Variants in IFRD1 observed in about 807,000 individuals in gnomAD.
The protein encoded by IFRD1 is interferon-related developmental regulator 1.
IFRD1 carries 35 observed loss-of-function variants against 52.9 expected under a neutral mutation model. The ratio of observed to expected loss-of-function variants is 0.66; its 90% CI spans 0.51 to 0.88. The LOEUF (loss-of-function observed/expected upper bound fraction) is 0.88, where lower values mean the gene tolerates loss of function less well. IFRD1 is among the 40% of genes least tolerant of loss of function. The pLI is 0.00. For synonymous variants in IFRD1, 184 were observed against 188.4 expected, an observed-to-expected ratio of 0.98 and a Z score of 0.19; for missense variants, 517 against 550.8, an observed-to-expected ratio of 0.94 and a Z score of 0.61.
chr7:112,474,967 TA>T (rs71150020), intron 11 of IFRD1, among the ~76,000 whole-genome samples: 1 of 152,008 alleles, frequency 6.6e-6, no homozygotes. Flanking sequence ...TTTATTTATT[TA>T]TTTTTTTTGA....
At chr7:112,444,991 A>G (rs560838693) in intron 1 of IFRD1, among the ~76,000 whole-genome samples, 1 of 152,148 alleles carries the variant, frequency 6.6e-6, no homozygotes, top group East Asian at 1.9e-4. Context: ...ACTCCTAGGA[A>G]CAAGCACTCA....
chr7:112,463,000 A>G (rs2529588), intron 8 of IFRD1, among the ~76,000 whole-genome samples: 33,922 of 152,090 alleles, frequency 0.22, 3,867 homozygotes, highest in Middle Eastern at 0.42. Flanking sequence ...CTTATGTTCC[A>G]GGAAATCCTT....
At chr7:112,426,425 C>T (rs768168680) in intron 1 of IFRD1, among the ~76,000 whole-genome samples, 1 of 152,188 alleles carries the variant, frequency 6.6e-6, no homozygotes, top group Non-Finnish European at 1.5e-5. Flanking sequence ...GCTGCTATAA[C>T]AGAATAGCAC....
chr7:112,472,990 C>A, intron 11 of IFRD1, 129 bp downstream of exon 11: 1 of 705,560 alleles, frequency 1.4e-6, no homozygotes, highest in Non-Finnish European at 2.6e-6. Context: ...CATAGAATAG[C>A]TGTACTAAAG....
chr7:112,453,713 C>A (rs1453793822), intron 1 of IFRD1, among the ~76,000 whole-genome samples: 1 of 152,052 alleles, frequency 6.6e-6, no homozygotes, highest in African/African-American at 2.4e-5. Flanking sequence ...CTGTCCTAAG[C>A]ACTCCAAGAA....
In IFRD1 at chr7:112,475,668, T is replaced by C. The variant is rs962621004; in HGVS notation, c.*149T>C. 17 of 619,432 alleles carry C rather than the reference T, an allele frequency of 2.7e-5. No individual in the cohort carries two copies. The highest frequency in any genetic ancestry group is 2.4e-4 in the African/African-American group (13 of 54,160). 38.4% of individuals were successfully genotyped at this position (619,432 alleles called of 1,614,324 possible). ...GCTTATAATTTAATGTACAATACTATTGAAACTGGTGAGTTCTGATTATTA... is the reference window on the plus strand; with the variant it reads ...GCTTATAATTTAATGTACAATACTACTGAAACTGGTGAGTTCTGATTATTA... On this transcript the variant is annotated 3_prime_UTR_variant, in exon 12 of 12. Transcript: ENST00000403825.
intron 1 of IFRD1, among the ~76,000 whole-genome samples, chr7:112,426,017 C>T (rs745657059): frequency 1.3e-5 from 2 of 152,046 alleles, no homozygotes; most frequent in South Asian, 4.1e-4. Flanking sequence ...TACATCAGGC[C>T]ACTTGTCTCT....
chr7:112,476,032 C>T lies in IFRD1; in HGVS notation c.*513C>T, dbSNP rs1795892969. 6.4e-6 allele frequency: 1 copy of T among 155,628 alleles called. No homozygotes were observed. The highest frequency in any genetic ancestry group is 6.4e-5 in the Admixed American group (1 of 15,686). 9.6% of individuals were successfully genotyped at this position (155,628 alleles called of 1,614,324 possible). A position where few individuals can be genotyped will look rare whatever the true frequency, so the allele number is the denominator to read the frequency against. ...TATACCATGAGACCTTATAGCTGTA[C>T]TTAAAAGCCATTCAGTTCAGCTATT... On this transcript the variant is annotated 3_prime_UTR_variant, in exon 12 of 12. Transcript: ENST00000403825.
chr7:112,435,089 G>C (rs1193763780), intron 1 of IFRD1, among the ~76,000 whole-genome samples: 1 of 152,342 alleles, frequency 6.6e-6, no homozygotes, highest in East Asian at 1.9e-4. Context: ...TCCTCATGAT[G>C]CAAGATGCCT....
In IFRD1 at chr7:112,466,342, G is replaced by C. The variant is rs1795607859; in HGVS notation, c.907-1639G>C. On this transcript the variant is annotated intron_variant, in intron 8 of 11. Transcript: ENST00000403825. Reference sequence around the variant, plus strand: ...CAAGTTTTAATAGGATATTGAACTTGGTGATTCACAAACTAAACTTGATTG... The same window carrying C: ...CAAGTTTTAATAGGATATTGAACTTCGTGATTCACAAACTAAACTTGATTG... 1.3e-5 allele frequency among the ~76,000 whole-genome samples: 2 copies of C among 151,966 alleles called. 1 individual carries two copies. The highest frequency in any genetic ancestry group is 4.2e-4 in the South Asian group (2 of 4,812).
intron 1 of IFRD1, among the ~76,000 whole-genome samples, chr7:112,429,412 T>C (rs1456782024): frequency 1.3e-5 from 2 of 152,206 alleles, no homozygotes; most frequent in Non-Finnish European, 2.9e-5. Context: ...TGTATAAATC[T>C]TTGAACATCA....
chr7:112,456,770 T>G, intron 3 of IFRD1, 144 bp from the exon 4 acceptor site: 1 of 739,448 alleles, frequency 1.4e-6, no homozygotes, highest in Non-Finnish European at 2.2e-6. Flanking sequence ...TAAATTATAT[T>G]ATTGACAAAT....
chr7:112,440,481 C>A (rs1794853103), intron 1 of IFRD1, among the ~76,000 whole-genome samples: 1 of 152,168 alleles, frequency 6.6e-6, no homozygotes, highest in South Asian at 2.1e-4. Context: ...CTGGTACGGT[C>A]AATTCAGTTT....
chr7:112,450,357 G>A, upstream of IFRD1: 1 of 346,372 alleles, frequency 2.9e-6, no homozygotes, highest in Non-Finnish European at 5.5e-6. Context: ...GGCGTCCAGT[G>A]GGGAGGTGTG....
intron 1 of IFRD1, among the ~76,000 whole-genome samples, chr7:112,441,274 TA>T (rs755697515): frequency 3.5e-5 from 5 of 143,508 alleles, no homozygotes; most frequent in African/African-American, 7.4e-5. Context: ...GATCCTGTCT[TA>T]AAAAAAACAA....
chr7:112,454,580 C>A (rs892470285), intron 1 of IFRD1, among the ~76,000 whole-genome samples: 5 of 152,268 alleles, frequency 3.3e-5, no homozygotes, highest in African/African-American at 1.2e-4. Flanking sequence ...ATATCAAATA[C>A]CAAAACTTCT....
upstream of IFRD1, among the ~76,000 whole-genome samples, chr7:112,449,054 C>A (rs1221391040): frequency 2.6e-5 from 4 of 152,098 alleles, no homozygotes; most frequent in Non-Finnish European, 5.9e-5. Flanking sequence ...GTCATGGGAG[C>A]CATGGAATGT....
chr7:112,427,828 A>G (rs1794460081), intron 1 of IFRD1, among the ~76,000 whole-genome samples: 1 of 152,182 alleles, frequency 6.6e-6, no homozygotes. Context: ...TGCTGCGGAT[A>G]AAAAAATGCA....
At chr7:112,425,916 T>C (rs141614002) in intron 1 of IFRD1, among the ~76,000 whole-genome samples, 3,585 of 152,318 alleles carry the variant, frequency 0.024, 63 homozygotes, top group Middle Eastern at 0.041. Flanking sequence ...TCATCTTCAC[T>C]TGTTCGCTGC....
Sources: allele counts gnomAD v4.1 joint callset (sites outside exome capture counted in the v4.1 genomes callset), GRCh38; gene constraint gnomAD v4.1.1; transcripts MANE v1.5; gene names NCBI Gene and HGNC (gene_info 2026-07-23, HGNC 2026-07-21).